The following FGD1 variants were observed in gnomAD, a reference collection of about 807,000 sequenced individuals.
The protein encoded by FGD1 is FYVE, RhoGEF and PH domain-containing protein 1.
FGD1 carries 12 observed loss-of-function variants against 65.0 expected under a neutral mutation model. That is an observed-to-expected ratio of 0.18 (90% CI 0.12 to 0.30). FGD1 has a LOEUF of 0.30. FGD1 is among the 10% of genes least tolerant of loss of function. The pLI is 1.00. For synonymous variants in FGD1, 333 were observed against 343.9 expected, an observed-to-expected ratio of 0.97 and a Z score of 0.35; for missense variants, 542 against 837.6, an observed-to-expected ratio of 0.65 and a Z score of 4.36.
chrX:54,460,514 G>T (rs1325780620), intron 8 of FGD1, among the ~76,000 whole-genome samples: 2 of 112,427 alleles, frequency 1.8e-5, no homozygotes, highest in African/African-American at 6.4e-5. Context: ...AGGGCGAGGC[G>T]GGTGGATCAC....
chrX:54,449,383 A>G (rs1026534029), intron 14 of FGD1, 115 bp from the exon 15 acceptor site: 25 of 949,749 alleles, frequency 2.6e-5, no homozygotes, highest in Admixed American at 7.9e-5. Context: ...GGCTGGGGGT[A>G]GGGGGAGCAG....
In FGD1 at chrX:54,465,917, A is replaced by G. The variant is rs2269570; in HGVS notation, c.1341-65T>C. The G allele has an allele frequency of 0.2, 232,932 of 1,143,602 alleles. 29,194 individuals are homozygous for G. Among genetic ancestry groups the G allele is most frequent in the African/African-American group, 0.85 (47,334 of 55,758 alleles). The allele number at this position is 1,143,602 out of a possible 1,213,427, so 94.2% of individuals were successfully genotyped here. A position where few individuals can be genotyped will look rare whatever the true frequency, so the allele number is the denominator to read the frequency against. On this transcript the variant is annotated intron_variant, in intron 6 of 17. Coordinates refer to ENST00000375135, the MANE Select transcript of FGD1 (RefSeq NM_004463.3). ...TTGCCCCTCAGAAACTTCCCCCACAAGTTTCCAGCCCCAGGCAGATACCTT... is the reference window on the plus strand; with the variant it reads ...TTGCCCCTCAGAAACTTCCCCCACAGGTTTCCAGCCCCAGGCAGATACCTT...
At chrX:54,471,229 C>T in intron 2 of FGD1, 85 bp downstream of exon 2, 1 of 1,054,278 alleles carries the variant, frequency 9.5e-7, no homozygotes. Flanking sequence ...TTCTAACAAA[C>T]CCTCTTCTCT....
intron 12 of FGD1, among the ~76,000 whole-genome samples, chrX:54,455,181 C>A (rs999974620): frequency 2.7e-5 from 3 of 112,445 alleles, no homozygotes; most frequent in African/African-American, 6.5e-5. Flanking sequence ...AGAAGAAATT[C>A]TTGGTTTAAT....
chrX:54,456,095 GTT>G, intron 10 of FGD1, 123 bp downstream of exon 10: 1 of 781,307 alleles, frequency 1.3e-6, no homozygotes, highest in Non-Finnish European at 1.9e-6. Context: ...GGTATAGTCT[GTT>G]TTTCTTTTTT....
chrX:54,458,233 A>G (rs1287152521), intron 8 of FGD1, among the ~76,000 whole-genome samples: 1 of 111,790 alleles, frequency 8.9e-6, no homozygotes, highest in East Asian at 2.8e-4. Context: ...GTAAAGACCT[A>G]GCCCTTTAGC....
intron 6 of FGD1, among the ~76,000 whole-genome samples, chrX:54,466,576 A>T (rs1208978084): frequency 1.8e-5 from 2 of 111,061 alleles, no homozygotes; most frequent in African/African-American, 6.6e-5. Flanking sequence ...CTACCTCAGG[A>T]CTCAGCTTAG....
At chrX:54,460,976 C>T (rs1922616953) in intron 8 of FGD1, among the ~76,000 whole-genome samples, 1 of 111,276 alleles carries the variant, frequency 9.0e-6, no homozygotes, top group Admixed American at 9.6e-5. Flanking sequence ...CATCCCCATT[C>T]TACATGTGAG....
At chrX:54,448,544 A>C (rs937729427) in intron 16 of FGD1, among the ~76,000 whole-genome samples, 1 of 112,470 alleles carries the variant, frequency 8.9e-6, no homozygotes, top group African/African-American at 3.2e-5. Context: ...AATTTGGGCA[A>C]ATGACCCCTC....
At chrX:54,494,109 G>A (rs779855654) in intron 1 of FGD1, among the ~76,000 whole-genome samples, 22 of 112,735 alleles carry the variant, frequency 2.0e-4, no homozygotes, top group African/African-American at 6.4e-4. Context: ...TGTGGCCTCA[G>A]CCTGACTTAA....
In FGD1 at chrX:54,495,748, T is replaced by C. The variant is rs1020192458; in HGVS notation, c.-316A>G. The C allele has an allele frequency of 3.6e-3, 403 of 110,896 alleles. 1 individual carries two copies. The highest frequency in any genetic ancestry group is 0.013 in the African/African-American group (394 of 30,043). 9.1% of individuals were successfully genotyped at this position (110,896 alleles called of 1,213,427 possible). A position where few individuals can be genotyped will look rare whatever the true frequency, so the allele number is the denominator to read the frequency against. On this transcript the variant is annotated 5_prime_UTR_variant, in exon 1 of 18. Transcript: ENST00000375135. ...GGGGCCCGCTGGGGAGCGCTGTCTA[T>C]GCGGCTGCGGTTGGGCGAGGGTTGG...
chrX:54,472,384 C>T (rs1922915813), intron 1 of FGD1, among the ~76,000 whole-genome samples: 1 of 111,823 alleles, frequency 8.9e-6, no homozygotes. Flanking sequence ...CATGCATCTT[C>T]CACCTCTGCC....
At chrX:54,487,190 C>T (rs750691638) in intron 1 of FGD1, among the ~76,000 whole-genome samples, 3 of 109,573 alleles carry the variant, frequency 2.7e-5, no homozygotes, top group Non-Finnish European at 5.7e-5. Context: ...GCCTTAAAAA[C>T]GGCTGGGTCT....
chrX:54,491,006 A>G (rs1923402364), intron 1 of FGD1, among the ~76,000 whole-genome samples: 1 of 110,915 alleles, frequency 9.0e-6, no homozygotes, highest in South Asian at 3.9e-4. Flanking sequence ...GCAGCTAGGG[A>G]GAGTTTCCAA....
intron 1 of FGD1, 39 bp downstream of exon 1, chrX:54,495,087 G>A: frequency 1.7e-6 from 2 of 1,152,790 alleles, no homozygotes; most frequent in Non-Finnish European, 2.3e-6. Context: ...TACCAGGCCC[G>A]TGGCCCGGGC....
rs757595052 is a variant in FGD1 at position 54,470,070 on chromosome X, TTCC to T, written c.1044_1046del (p.Glu350del). On this transcript the variant is annotated inframe_deletion, in exon 4 of 18. Transcript: ENST00000375135. ...GCACTGGGATTTCTCTGTCCTTCTC[TTCC>T]TCCTCCTCCTCGTCGTCCTCCTCCT... is the stretch of plus-strand genomic sequence containing the variant. The T allele has an allele frequency of 6.6e-6, 8 of 1,207,840 alleles. No individual in the cohort carries two copies. The Admixed American group carries it at 1.1e-4, about 17-fold the overall frequency.
At chrX:54,477,545 T>G (rs1923047225) in intron 1 of FGD1, among the ~76,000 whole-genome samples, 1 of 109,463 alleles carries the variant, frequency 9.1e-6, no homozygotes, top group Admixed American at 9.8e-5. Context: ...TTCTCCTGCC[T>G]CAGCTTCCCG....
intron 17 of FGD1, 54 bp from the exon 18 acceptor site, chrX:54,446,468 G>T: frequency 9.0e-7 from 1 of 1,110,686 alleles, no homozygotes; most frequent in Non-Finnish European, 1.2e-6. Context: ...CCTTTCCCCC[G>T]CCCCAGCTTC....
chrX:54,454,605 A>G (rs1922451974), intron 12 of FGD1, among the ~76,000 whole-genome samples: 1 of 103,279 alleles, frequency 9.7e-6, no homozygotes, highest in Non-Finnish European at 2.0e-5. Flanking sequence ...AGCCGAGATC[A>G]TGCCACCGCA....
Sources: gnomAD v4.1 joint callset for allele counts (sites outside exome capture counted in the v4.1 genomes callset) on GRCh38, gnomAD v4.1.1 for gene constraint, MANE v1.5 for transcripts, NCBI Gene and HGNC (gene_info 2026-07-23, HGNC 2026-07-21) for gene names.